VRK3: variants seen among roughly 807,000 people sequenced by gnomAD.
The protein encoded by VRK3 is VRK serine/threonine kinase 3.
A neutral mutation model predicts 60.4 loss-of-function variants in VRK3; 50 were observed. The ratio of observed to expected loss-of-function variants is 0.83; its 90% CI spans 0.66 to 1.05. VRK3 has a LOEUF of 1.05. Ranked by LOEUF, VRK3 falls within the 50% of genes least tolerant of loss-of-function variation. VRK3 has a pLI of 0.00. For missense variants in VRK3, 549 were observed against 585.3 expected (o/e 0.94, Z 0.64); for synonymous variants, 246 against 227.8 (o/e 1.08, Z -0.72).
chr19:49,990,917 T>C (rs991860417), intron 10 of VRK3, among the ~76,000 whole-genome samples: 2 of 152,150 alleles, frequency 1.3e-5, no homozygotes, highest in Non-Finnish European at 2.9e-5. Context: ...CCTGAGTAGC[T>C]GGAACCACAT....
At chr19:49,994,785 C>T (rs762984139) in intron 9 of VRK3, 29 bp downstream of exon 9, 11 of 1,598,200 alleles carry the variant, frequency 6.9e-6, no homozygotes, top group South Asian at 2.2e-5. Context: ...CTCCCTGACG[C>T]GGCAGCTGAG....
At chr19:49,983,183 A>C (rs73932228) in intron 12 of VRK3, among the ~76,000 whole-genome samples, 1 of 96,108 alleles carries the variant, frequency 1.0e-5, no homozygotes, top group South Asian at 3.8e-4. Flanking sequence ...CTCTGACTCC[A>C]TCTCCCCACT....
chr19:49,993,074 G>T (rs2076639708), intron 9 of VRK3, 122 bp from the exon 10 acceptor site: 1 of 830,806 alleles, frequency 1.2e-6, no homozygotes, highest in Non-Finnish European at 1.9e-6. Context: ...GTGACTGGGG[G>T]TTAAACCTGA....
intron 1 of VRK3, among the ~76,000 whole-genome samples, chr19:50,022,856 G>A (rs1369174276): frequency 2.0e-5 from 3 of 152,056 alleles, no homozygotes; most frequent in African/African-American, 7.2e-5. Flanking sequence ...ACTCAAAACC[G>A]TATGGTGGAT....
intron 14 of VRK3, among the ~76,000 whole-genome samples, chr19:49,977,877 CCCT>C (rs1421068069): frequency 1.3e-5 from 2 of 152,164 alleles, no homozygotes; most frequent in African/African-American, 2.4e-5. Flanking sequence ...GAGTCCCCAC[CCCT>C]CACCACTGGC....
intron 12 of VRK3, 197 bp from the exon 13 acceptor site, chr19:49,981,210 T>G (rs568339419): frequency 4.7e-5 from 29 of 613,972 alleles, no homozygotes; most frequent in Non-Finnish European, 8.4e-5. Flanking sequence ...GAAACAGCAC[T>G]GCTTCCTGCA....
chr19:49,978,332 G>A (rs1328146135), intron 14 of VRK3, among the ~76,000 whole-genome samples: 5 of 152,170 alleles, frequency 3.3e-5, no homozygotes. Flanking sequence ...AAGGAGCCTG[G>A]AGAAGCTCCT....
rs1458532032 is a variant in VRK3, at chr19:49,976,651, T to C, written c.*145A>G. 1.3e-5 allele frequency: 2 copies of C among 152,536 alleles called. No homozygotes were observed. The highest frequency in any genetic ancestry group is 2.4e-5 in the African/African-American group (1 of 41,428). 9.4% of individuals were successfully genotyped at this position (152,536 alleles called of 1,614,324 possible). A position where few individuals can be genotyped will look rare whatever the true frequency, so the allele number is the denominator to read the frequency against. ...CCTCCGGGAGGCTAATCAGGACTGA[T>C]GAGTATCCTGAAACCAGTGGCAGGA... is the stretch of plus-strand genomic sequence containing the variant. On this transcript the variant is annotated 3_prime_UTR_variant, in exon 15 of 15. Transcript: ENST00000316763.
chr19:49,985,188 G>A (rs1310860912), intron 12 of VRK3, among the ~76,000 whole-genome samples: 3 of 152,120 alleles, frequency 2.0e-5, no homozygotes, highest in South Asian at 2.1e-4. Flanking sequence ...GGACTCCAGC[G>A]GGCCACTCAT....
Position 50,007,674 on chromosome 19 carries a change from A to T in VRK3, c.442T>A (p.Ser148Thr). The change falls in exon 5 of 15, where the codon TCA becomes ACA. Residue 148 changes from serine to threonine, a missense_variant. Physicochemically the swap from Ser to Thr is moderately conservative, Grantham distance 58. Transcript: ENST00000316763. The stretch of plus-strand genomic sequence containing the variant: ...GTCCCTGTGGGCAAAGCTTCAAGTG[A>T]GGTGGTCACTCGGCTCCGCTTCAGC... ...QTLKRSRVTT[S>T]LEALPTGTVL... 6.2e-7 allele frequency: 1 copy of T among 1,614,004 alleles called. No homozygotes were observed. The highest frequency in any genetic ancestry group is 8.5e-7 in the Non-Finnish European group (1 of 1,180,026).
chr19:49,983,846 C>T (rs548878838), intron 12 of VRK3, among the ~76,000 whole-genome samples: 51 of 152,240 alleles, frequency 3.3e-4, no homozygotes, highest in African/African-American at 1.2e-3. Context: ...ATTGTCTGGG[C>T]TAACAGACTA....
At chr19:49,981,838 CTG>C in intron 12 of VRK3, 3 of 1,194,752 alleles carry the variant, frequency 2.5e-6, no homozygotes, top group Non-Finnish European at 2.1e-6. Context: ...GAGCTCGTGG[CTG>C]TGAGGGGCCA....
intron 12 of VRK3, among the ~76,000 whole-genome samples, chr19:49,985,728 T>A (rs1039612068): frequency 3.3e-5 from 5 of 152,130 alleles, no homozygotes; most frequent in African/African-American, 1.2e-4. Flanking sequence ...CATTCCTGTA[T>A]CCCCAGGGCC....
At chr19:50,014,886 A>G (rs2077049896) in intron 3 of VRK3, among the ~76,000 whole-genome samples, 1 of 152,148 alleles carries the variant, frequency 6.6e-6, no homozygotes, top group South Asian at 2.1e-4. Context: ...TACAGGGACA[A>G]GAGAGGGGAG....
Position 49,994,907 on chromosome 19 carries a change from T to C in VRK3, c.777A>G (p.Leu259=), listed in dbSNP as rs780579169. The C allele has an allele frequency of 6.2e-7, 1 of 1,613,780 alleles. No homozygotes were observed. Among genetic ancestry groups the C allele is most frequent in the South Asian group, 1.1e-5 (1 of 91,028 alleles). ...VHQDKYRFLV[L]PSLGRSLQSA... Reference sequence around the variant, plus strand: ...ACTGAAGGCTCCTCCCCAGGCTGGGTAACACCAAGAACCTGGAAGACACAA... The same window carrying C: ...ACTGAAGGCTCCTCCCCAGGCTGGGCAACACCAAGAACCTGGAAGACACAA... The change falls in exon 9 of 15, where the codon TTA becomes TTG. Residue 259 remains leucine, a synonymous_variant. Transcript: ENST00000316763.
rs1217869932 is a variant in VRK3 at position 49,997,521 on chromosome 19, G to GC, written c.661dup (p.Ala221GlyfsTer79). 4 of 1,613,806 alleles carry GC rather than the reference G, an allele frequency of 2.5e-6. No individual in the cohort carries two copies. Among genetic ancestry groups the GC allele is most frequent in the Non-Finnish European group, 3.4e-6 (4 of 1,179,908 alleles). ...TCAGGTACCTTGCAGAGGCTTGGCG[G>GC]CCCGCTGGAAGAAGTTCTGCTCATT... On this transcript the variant is annotated frameshift_variant, in exon 7 of 15. Transcript: ENST00000316763. LOFTEE classifies it high-confidence loss of function.
chr19:49,978,063 T>C (rs10416566), intron 14 of VRK3, among the ~76,000 whole-genome samples: 8,110 of 152,016 alleles, frequency 0.053, 713 homozygotes, highest in African/African-American at 0.19. Flanking sequence ...CTGTTCAAGA[T>C]GCCCTGCGAC....
At chr19:49,992,755 G>A in intron 10 of VRK3, 105 bp downstream of exon 10, 3 of 1,027,480 alleles carry the variant, frequency 2.9e-6, no homozygotes, top group South Asian at 1.5e-5. Flanking sequence ...ATGATGGACA[G>A]CAATCCTTTG....
At chr19:50,000,956 T>C (rs1283473833) in intron 5 of VRK3, 102 bp from the exon 6 acceptor site, 1 of 1,148,124 alleles carries the variant, frequency 8.7e-7, no homozygotes, top group Non-Finnish European at 1.2e-6. Context: ...GGTGCCCTGG[T>C]TCCAACAAGG....
Sources: allele counts gnomAD v4.1 joint callset (sites outside exome capture counted in the v4.1 genomes callset), GRCh38; gene constraint gnomAD v4.1.1; transcripts MANE v1.5; gene names NCBI Gene and HGNC (gene_info 2026-07-23, HGNC 2026-07-21).